ATP8A2: variants seen among roughly 807,000 people sequenced by gnomAD.
ATP8A2 encodes ATPase phospholipid transporting 8A2.
Under a neutral mutation model 165.6 loss-of-function variants are expected in ATP8A2, and 100 were observed. The observed-to-expected ratio is 0.60, with a 90% confidence interval of 0.51 to 0.71. The LOEUF (loss-of-function observed/expected upper bound fraction) is 0.71, where lower values mean the gene tolerates loss of function less well. ATP8A2 is among the 30% of genes least tolerant of loss of function. ATP8A2 has a pLI of 0.00. For missense variants in ATP8A2, 1,227 were observed against 1,479.5 expected, an observed-to-expected ratio of 0.83 and a Z score of 2.80; for synonymous variants, 543 against 548.8, an observed-to-expected ratio of 0.99 and a Z score of 0.15.
intron 27 of ATP8A2, among the ~76,000 whole-genome samples, chr13:25,785,500 C>T (rs1269494843): frequency 6.6e-6 from 1 of 152,092 alleles, no homozygotes; most frequent in African/African-American, 2.4e-5. Flanking sequence ...TTAGGTTTTT[C>T]CTTGCTAAGT....
intron 33 of ATP8A2, among the ~76,000 whole-genome samples, chr13:25,911,912 G>A (rs1449695878): frequency 2.6e-5 from 4 of 152,168 alleles, no homozygotes; most frequent in Non-Finnish European, 2.9e-5. Flanking sequence ...CTTGTACACT[G>A]TAGTTTGGAA....
intron 4 of ATP8A2, among the ~76,000 whole-genome samples, chr13:25,531,346 A>T (rs915270405): frequency 5.3e-5 from 7 of 131,916 alleles, no homozygotes; most frequent in Admixed American, 2.4e-4. Context: ...GTTATATATG[A>T]TATATATGTT....
intron 1 of ATP8A2, among the ~76,000 whole-genome samples, chr13:25,418,623 A>G (rs748703): frequency 0.26 from 39,317 of 152,094 alleles, 5,297 homozygotes; most frequent in East Asian, 0.46. Flanking sequence ...AATAGAGGCC[A>G]AAATGGCATC....
intron 11 of ATP8A2, among the ~76,000 whole-genome samples, 154 bp from the exon 12 acceptor site, chr13:25,553,639 G>A (rs552996946): frequency 6.6e-6 from 1 of 152,306 alleles, no homozygotes; most frequent in African/African-American, 2.4e-5. Context: ...CAGTCGCATT[G>A]TGGGGCCTGT....
At chr13:25,435,971 G>GTA (rs2034762326) in intron 1 of ATP8A2, among the ~76,000 whole-genome samples, 1 of 113,762 alleles carries the variant, frequency 8.8e-6, no homozygotes, top group East Asian at 3.1e-4. Flanking sequence ...GTGTGTGTGT[G>GTA]TATGTGTGTG....
At chr13:25,660,958 G>A (rs989779031) in intron 24 of ATP8A2, among the ~76,000 whole-genome samples, 20 of 152,230 alleles carry the variant, frequency 1.3e-4, no homozygotes, top group African/African-American at 4.3e-4. Context: ...AAGTGGGAGC[G>A]TAGCTTGCAT....
intron 24 of ATP8A2, among the ~76,000 whole-genome samples, chr13:25,654,791 C>T (rs894532456): frequency 6.6e-5 from 10 of 152,144 alleles, no homozygotes; most frequent in African/African-American, 1.7e-4. Context: ...CTGTGTGTGA[C>T]GCTGTGCAGG....
chr13:25,984,316 G>A lies in ATP8A2; in HGVS notation c.3377+15637G>A, dbSNP rs142226622. On this transcript the variant is annotated intron_variant, in intron 35 of 36. Transcript: ENST00000381655. ...AGTCCAGAAAGGTGCTAAGAGGGTA[G>A]GTTGGAGCTGGGCCCAGTGGCTCAT... Among the ~76,000 whole-genome samples the A allele has an allele frequency of 3.6e-3, 555 of 152,064 alleles. 6 individuals are homozygous for A. Among genetic ancestry groups the A allele is most frequent in the African/African-American group, 0.013 (528 of 41,526 alleles).
chr13:25,419,758 C>T lies in ATP8A2; in HGVS notation c.76+47470C>T, dbSNP rs187240859. On this transcript the variant is annotated intron_variant, in intron 1 of 36. Transcript: ENST00000381655. ...TATCAAATTGGAAATATAAGATTAA[C>T]GATTAGGAAACAGCAAGTGTGAGAG... Among the ~76,000 whole-genome samples, 422 of 151,958 alleles carry T rather than the reference C, an allele frequency of 2.8e-3. 1 individual carries two copies. Among genetic ancestry groups the T allele is most frequent in the Non-Finnish European group, 3.5e-3 (236 of 68,000 alleles).
chr13:25,893,556 G>A (rs1230801017), intron 33 of ATP8A2, among the ~76,000 whole-genome samples: 7 of 151,950 alleles, frequency 4.6e-5, no homozygotes, highest in East Asian at 1.9e-4. Flanking sequence ...AATCCTTTGG[G>A]TATATACCCA....
intron 1 of ATP8A2, among the ~76,000 whole-genome samples, chr13:25,438,219 C>G (rs533516222): frequency 6.5e-4 from 99 of 152,180 alleles, no homozygotes; most frequent in African/African-American, 2.0e-3. Context: ...CAGAGAGGAG[C>G]CTACCTCTAA....
intron 34 of ATP8A2, among the ~76,000 whole-genome samples, 189 bp downstream of exon 34, chr13:25,961,852 A>G (rs143431714): frequency 3.5e-4 from 53 of 152,324 alleles, no homozygotes; most frequent in African/African-American, 1.3e-3. Context: ...ATGAAAATAT[A>G]GACAACCATA....
chr13:25,939,727 G>A (rs1330547880), intron 33 of ATP8A2, among the ~76,000 whole-genome samples: 5 of 152,154 alleles, frequency 3.3e-5, no homozygotes, highest in South Asian at 2.1e-4. Flanking sequence ...CTTAGCATCC[G>A]ATTCCCCGAC....
intron 28 of ATP8A2, among the ~76,000 whole-genome samples, chr13:25,833,156 G>A (rs796193235): frequency 1.3e-5 from 2 of 151,636 alleles, no homozygotes; most frequent in African/African-American, 4.8e-5. Context: ...ATTATACATT[G>A]CATAGGAAAA....
chr13:25,739,759 A>G (rs1485549795), intron 25 of ATP8A2, among the ~76,000 whole-genome samples: 1 of 152,206 alleles, frequency 6.6e-6, no homozygotes, highest in Non-Finnish European at 1.5e-5. Flanking sequence ...GGGAGATATC[A>G]AAAATCTGGA....
intron 33 of ATP8A2, among the ~76,000 whole-genome samples, chr13:25,882,940 G>GAT (rs869172997): frequency 2.0e-5 from 3 of 147,724 alleles, no homozygotes; most frequent in East Asian, 2.0e-4. Flanking sequence ...TGATGATGAT[G>GAT]GTGATGGTGA....
chr13:25,903,653 G>A lies in ATP8A2; in HGVS notation c.3183+41245G>A, dbSNP rs564464149. ...GTGGTCTCGTTATTCAACGTCCCTG[G>A]GTAGATTTTGTCTTTAGGTTCTGAA... On this transcript the variant is annotated intron_variant, in intron 33 of 36. Coordinates refer to ENST00000381655, the MANE Select transcript of ATP8A2 (RefSeq NM_016529.6). 3.3e-5 allele frequency among the ~76,000 whole-genome samples: 5 copies of A among 152,168 alleles called. No homozygotes were observed. In the East Asian group the frequency reaches 9.7e-4, roughly 29 times the overall value.
At chr13:25,398,257 G>C (rs1566103949) in intron 1 of ATP8A2, among the ~76,000 whole-genome samples, 2 of 152,154 alleles carry the variant, frequency 1.3e-5, no homozygotes, top group African/African-American at 2.4e-5. Flanking sequence ...TGCTACACCA[G>C]AGCAGACTGG....
intron 1 of ATP8A2, among the ~76,000 whole-genome samples, chr13:25,464,507 A>T (rs2035584565): frequency 1.3e-5 from 2 of 151,816 alleles, no homozygotes; most frequent in Admixed American, 1.3e-4. Context: ...AGGGTAGAAG[A>T]CGGCCATCTA....
Sources: allele counts gnomAD v4.1 joint callset (sites outside exome capture counted in the v4.1 genomes callset), GRCh38; gene constraint gnomAD v4.1.1; transcripts MANE v1.5; gene names NCBI Gene and HGNC (gene_info 2026-07-23, HGNC 2026-07-21).